The following CACNA1B variants were observed in gnomAD, a reference collection of about 807,000 sequenced individuals.
The protein encoded by CACNA1B is voltage-dependent N-type calcium channel subunit alpha-1B.
A neutral mutation model predicts 247.2 loss-of-function variants in CACNA1B; 70 were observed. The ratio of observed to expected loss-of-function variants is 0.28; its 90% CI spans 0.23 to 0.35. The LOEUF is 0.35. CACNA1B is among the 10% of genes least tolerant of loss of function. The probability of loss-of-function intolerance (pLI) is 1.00; values close to 1 mark genes in which losing one functional copy is unlikely to be tolerated. For synonymous variants in CACNA1B, 1,231 were observed against 1,294.4 expected (o/e 0.95, Z 1.05); for missense variants, 2,367 against 3,197.4 (o/e 0.74, Z 6.26).
chr9:137,947,233 C>T (rs574840409), intron 6 of CACNA1B, among the ~76,000 whole-genome samples: 1 of 152,244 alleles, frequency 6.6e-6, no homozygotes, highest in Admixed American at 6.5e-5. Context: ...CCACGAGCAG[C>T]CTGATTGGTT....
At chr9:138,087,384 CA>C (rs58566171) in intron 36 of CACNA1B, among the ~76,000 whole-genome samples, 4,458 of 52,670 alleles carry the variant, frequency 0.085, 194 homozygotes, top group African/African-American at 0.25. Flanking sequence ...GACTCTGTCT[CA>C]AAAAAAAAAA....
intron 15 of CACNA1B, among the ~76,000 whole-genome samples, chr9:137,993,893 A>G (rs1243317997): frequency 1.3e-5 from 2 of 152,174 alleles, no homozygotes; most frequent in Non-Finnish European, 2.9e-5. Flanking sequence ...GGACATAACC[A>G]AGAAAGAAAA....
intron 37 of CACNA1B, among the ~76,000 whole-genome samples, chr9:138,098,076 T>C (rs1436110987): frequency 2.0e-5 from 3 of 152,244 alleles, no homozygotes; most frequent in African/African-American, 7.2e-5. Context: ...GTGGGTGTTT[T>C]TCATTTGAGT....
intron 15 of CACNA1B, among the ~76,000 whole-genome samples, chr9:137,996,998 C>T (rs1431852795): frequency 1.3e-5 from 2 of 152,154 alleles, no homozygotes; most frequent in African/African-American, 2.4e-5. Context: ...TAGAACTTTT[C>T]CTAGAAATGC....
At chr9:138,039,966 G>C (rs796279435) in intron 20 of CACNA1B, among the ~76,000 whole-genome samples, 1 of 152,154 alleles carries the variant, frequency 6.6e-6, no homozygotes, top group East Asian at 1.9e-4. Flanking sequence ...GGGGACAAAT[G>C]CAGTTTTGTT....
chr9:137,892,720 G>C, intron 3 of CACNA1B: 2 of 306,430 alleles, frequency 6.5e-6, no homozygotes, highest in Non-Finnish European at 1.3e-5. Flanking sequence ...TGCTCTGCCT[G>C]CCGGTCCCAC....
chr9:137,892,521 T>C lies in CACNA1B; in HGVS notation c.530+9638T>C, dbSNP rs1351546078. 3 of 371,652 alleles carry C rather than the reference T, an allele frequency of 8.1e-6. No homozygotes were observed. In the East Asian group the frequency reaches 2.2e-4, roughly 27 times the overall value. The allele number at this position is 371,652 out of a possible 1,614,324, so 23.0% of individuals were successfully genotyped here. A position where few individuals can be genotyped will look rare whatever the true frequency, so the allele number is the denominator to read the frequency against. On this transcript the variant is annotated intron_variant, in intron 3 of 46. Coordinates refer to ENST00000371372, the MANE Select transcript of CACNA1B (RefSeq NM_000718.4). ...CCCTTTCCTCTGACTGTGGGTCCTT[T>C]CTCACGCTTCTCTGTCATCAGCCTC... is the stretch of plus-strand genomic sequence containing the variant.
At chr9:137,970,907 A>G (rs1958138468) in intron 10 of CACNA1B, among the ~76,000 whole-genome samples, 1 of 152,138 alleles carries the variant, frequency 6.6e-6, no homozygotes, top group Non-Finnish European at 1.5e-5. Context: ...TTCCAGGAAA[A>G]CTGCTTAGAA....
chr9:138,091,800 T>A (rs1960888488), intron 36 of CACNA1B, among the ~76,000 whole-genome samples: 1 of 152,200 alleles, frequency 6.6e-6, no homozygotes, highest in African/African-American at 2.4e-5. Flanking sequence ...ATAGCTCCTA[T>A]GGGGGGAACC....
chr9:138,096,719 T>A (rs1961068128), intron 37 of CACNA1B, 108 bp downstream of exon 37: 2 of 1,171,886 alleles, frequency 1.7e-6, no homozygotes, highest in Non-Finnish European at 1.2e-6. Flanking sequence ...CCCCTCAGGT[T>A]TTGGTTTGGG....
rs1164583876 is a variant in CACNA1B, at chr9:137,883,834, C to T, written c.530+951C>T. On this transcript the variant is annotated intron_variant, in intron 3 of 46. Transcript: ENST00000371372. ...AGGAGGGAGCAGGCCCCACAGCAGG[C>T]GAGAGCTCTCCTTCCAGAGCCCCAT... Among the ~76,000 whole-genome samples the T allele has an allele frequency of 1.4e-4, 21 of 151,910 alleles. No individual in the cohort carries two copies. The South Asian group carries it at 1.7e-3, about 12-fold the overall frequency.
At chr9:138,069,320 G>A (rs1416219470) in intron 31 of CACNA1B, among the ~76,000 whole-genome samples, 3 of 152,070 alleles carry the variant, frequency 2.0e-5, no homozygotes, top group Non-Finnish European at 4.4e-5. Flanking sequence ...CAGAGAGAGG[G>A]CTCCAAGCAA....
chr9:138,120,299 C>T lies in CACNA1B; in HGVS notation c.6165C>T (p.Arg2055=), dbSNP rs1962039120. 2 of 1,563,402 alleles carry T rather than the reference C, an allele frequency of 1.3e-6. No individual in the cohort carries two copies. The highest frequency in any genetic ancestry group is 1.7e-6 in the Non-Finnish European group (2 of 1,156,842). Residue 2055 remains arginine (R), a synonymous_variant, in exon 45 of 47, where the codon CGC becomes CGT. Transcript: ENST00000371372. ...SQASSHHHHH[R]CHRRRDRKQR... Reference sequence around the variant, plus strand: ...CGTCGTCGCACCACCACCACCACCGCTGCCACCGCCGCAGGGACAGGAAGC... The same window carrying T: ...CGTCGTCGCACCACCACCACCACCGTTGCCACCGCCGCAGGGACAGGAAGC...
intron 3 of CACNA1B, chr9:137,890,419 G>T (rs1366624620): frequency 6.7e-6 from 1 of 149,914 alleles, no homozygotes; most frequent in Non-Finnish European, 1.5e-5. Flanking sequence ...GGGGGTCTGG[G>T]CTGCTGTCCT....
At chr9:138,091,590 T>G (rs1960881504) in intron 36 of CACNA1B, among the ~76,000 whole-genome samples, 1 of 152,148 alleles carries the variant, frequency 6.6e-6, no homozygotes, top group Non-Finnish European at 1.5e-5. Flanking sequence ...GTGTTTGAGG[T>G]GATGGATATG....
chr9:137,884,240 C>A (rs1956970515), intron 3 of CACNA1B, among the ~76,000 whole-genome samples: 1 of 152,126 alleles, frequency 6.6e-6, no homozygotes, highest in South Asian at 2.1e-4. Context: ...GGCTCAGCCC[C>A]CAGAGCTGTC....
rs1409308864 is a variant in CACNA1B, at chr9:137,880,480, C to G, written c.390+1321C>G. Among the ~76,000 whole-genome samples the G allele has an allele frequency of 1.3e-5, 2 of 151,606 alleles. No individual in the cohort carries two copies. The highest frequency in any genetic ancestry group is 2.9e-5 in the Non-Finnish European group (2 of 67,884). The stretch of plus-strand genomic sequence containing the variant: ...CAAGTCACAGGAAGGAGGGCAGGGC[C>G]AGGGTCAGAGGGACGCAGGCCCAGG... On this transcript the variant is annotated intron_variant, in intron 2 of 46. Transcript: ENST00000371372. The surrounding 1 kb of genome is among the most constrained non-coding windows in gnomAD (Gnocchi z 4.8).
chr9:137,936,255 G>A (rs897266792), intron 6 of CACNA1B, among the ~76,000 whole-genome samples: 17 of 152,124 alleles, frequency 1.1e-4, no homozygotes, highest in Non-Finnish European at 1.8e-4. Flanking sequence ...GATGATGAGC[G>A]TTTTTTCATG....
chr9:138,017,186 C>G, intron 18 of CACNA1B: 1 of 519,108 alleles, frequency 1.9e-6, no homozygotes, highest in South Asian at 1.4e-5. Context: ...TCATCTGTCT[C>G]CAGCGTGAAC....
Sources: allele counts gnomAD v4.1 joint callset (sites outside exome capture counted in the v4.1 genomes callset), GRCh38; gene constraint gnomAD v4.1.1; non-coding constraint Gnocchi (gnomAD v3.1); transcripts MANE v1.5; gene names NCBI Gene and HGNC (gene_info 2026-07-23, HGNC 2026-07-21).